Variants in SEZ6 observed in about 807,000 individuals in gnomAD.
SEZ6 encodes seizure related 6 homolog, also known as seizure protein 6 homolog.
SEZ6 carries 53 observed loss-of-function variants against 101.0 expected under a neutral mutation model. That is an observed-to-expected ratio of 0.52 (90% CI 0.42 to 0.66). The LOEUF is 0.66. SEZ6 is among the 30% of genes least tolerant of loss of function. The probability of loss-of-function intolerance (pLI) is 0.00; values close to 1 mark genes in which losing one functional copy is unlikely to be tolerated. For synonymous variants in SEZ6, 488 were observed against 512.2 expected, an observed-to-expected ratio of 0.95 and a Z score of 0.64; for missense variants, 1,102 against 1,289.4, an observed-to-expected ratio of 0.85 and a Z score of 2.23.
At position 28,960,503 on chromosome 17, in the gene SEZ6, A is replaced by C. The variant is rs1339926114; in HGVS notation, c.1576+2T>G. ...CCCCCAGTGAGGCCCCAGCAGGCTC[A>C]CCCTCATAGCGCAGGGCCATGCCTG... On this transcript the variant is annotated splice_donor_variant, in intron 7 of 16. Coordinates refer to ENST00000317338, the MANE Select transcript of SEZ6 (RefSeq NM_178860.5). LOFTEE classifies it high-confidence loss of function. The C allele has an allele frequency of 6.3e-7, 1 of 1,587,558 alleles. No homozygotes were observed. Among genetic ancestry groups the C allele is most frequent in the South Asian group, 1.2e-5 (1 of 86,810 alleles).
chr17:28,986,400 C>T (rs1416968762), intron 1 of SEZ6, among the ~76,000 whole-genome samples: 1 of 152,226 alleles, frequency 6.6e-6, no homozygotes. Flanking sequence ...TGCGCCCCAG[C>T]CCCACCAGAT....
In SEZ6 at chr17:28,960,569, G is replaced by A. The variant is rs2040961870; in HGVS notation, c.1512C>T (p.His504=). ...TGTCAGTACTGAGCTCAACAAAGAA[G>A]TGTTTGCCAGAGCTGAGCAGGCCCT... ...PIEGLLSSGK[H]FFVELSTDSS... The change falls in exon 7 of 17, where the codon CAC becomes CAT. Residue 504 remains histidine, a synonymous_variant. Transcript: ENST00000317338. 2 of 1,593,982 alleles carry A rather than the reference G, an allele frequency of 1.3e-6. No homozygotes were observed. Among genetic ancestry groups the A allele is most frequent in the African/African-American group, 1.3e-5 (1 of 74,576 alleles).
chr17:29,003,426 T>C (rs1412651309), intron 1 of SEZ6, among the ~76,000 whole-genome samples: 1 of 152,226 alleles, frequency 6.6e-6, no homozygotes, highest in Non-Finnish European at 1.5e-5. Flanking sequence ...ATACCAGGCC[T>C]TCCAAGGCAT....
intron 13 of SEZ6, 39 bp from the exon 14 acceptor site, chr17:28,956,796 C>G (rs1179014209): frequency 1.7e-5 from 27 of 1,553,482 alleles, no homozygotes; most frequent in Non-Finnish European, 2.3e-5. Context: ...GTGAGTGAGC[C>G]CAATGGGCCA....
chr17:28,981,982 G>C lies in SEZ6; in HGVS notation c.113C>G (p.Thr38Arg). The C allele has an allele frequency of 6.2e-7, 1 of 1,612,762 alleles. No individual in the cohort carries two copies. The highest frequency in any genetic ancestry group is 8.5e-7 in the Non-Finnish European group (1 of 1,179,476). The change falls in exon 2 of 17, where the codon ACA becomes AGA. Residue 38 changes from threonine to arginine, a missense_variant. By Grantham distance (71) the Thr-to-Arg change is moderately conservative. Coordinates refer to ENST00000317338, the MANE Select transcript of SEZ6 (RefSeq NM_178860.5). The stretch of plus-strand genomic sequence containing the variant: ...GGGGGCTGCTGTCAGCTCGCCATCT[G>C]TCTCCTCGATGCCTGGGGCTTGTCC... ...GKGQAPGIEE[T>R]DGELTAAPTP... is the part of the protein sequence containing the mutation.
chr17:28,984,740 C>G (rs574016194), intron 1 of SEZ6, among the ~76,000 whole-genome samples: 1 of 152,328 alleles, frequency 6.6e-6, no homozygotes, highest in Admixed American at 6.5e-5. Context: ...GGGGAGAGGG[C>G]ATCTCCAGAC....
At chr17:28,995,032 C>T (rs1196984578) in intron 1 of SEZ6, among the ~76,000 whole-genome samples, 1 of 151,796 alleles carries the variant, frequency 6.6e-6, no homozygotes, top group African/African-American at 2.4e-5. Flanking sequence ...ACCACCATGC[C>T]TGGCTAATTT....
At chr17:28,980,580 A>C (rs576892473) in intron 2 of SEZ6, among the ~76,000 whole-genome samples, 1 of 151,536 alleles carries the variant, frequency 6.6e-6, no homozygotes, top group African/African-American at 2.4e-5. Flanking sequence ...CCGTGTTAGC[A>C]AGGGTGGTCT....
At position 28,958,132 on chromosome 17, in the gene SEZ6, C is replaced by T. The variant is rs758292539; in HGVS notation, c.2117G>A (p.Arg706His). The T allele has an allele frequency of 7.5e-6, 12 of 1,592,246 alleles. No individual in the cohort carries two copies. Among genetic ancestry groups the T allele is most frequent in the Non-Finnish European group, 7.7e-6 (9 of 1,162,978 alleles). Residue 706 changes from arginine to histidine, a missense_variant, in exon 11 of 17, where the codon CGC becomes CAC. By Grantham distance (29) the Arg-to-His change is conservative (BLOSUM62 0). Coordinates refer to ENST00000317338, the MANE Select transcript of SEZ6 (RefSeq NM_178860.5). ...GFVIHFFEVP[R>H]NDTCPELPEI... is the part of the protein sequence containing the mutation. ...AGGCAGCTCCGGACATGTGTCATTG[C>T]GGGGCACCTCTGGGGGCACAGAGGC...
Position 28,960,831 on chromosome 17 carries a change from C to T in SEZ6, c.1383G>A (p.Lys461=). 2 of 1,613,936 alleles carry T rather than the reference C, an allele frequency of 1.2e-6. No individual in the cohort carries two copies. Among genetic ancestry groups the T allele is most frequent in the South Asian group, 1.1e-5 (1 of 91,084 alleles). ...EGQRLHLHFE[K]VSLAEDDDRL... is the part of the protein sequence containing the mutation. The stretch of plus-strand genomic sequence containing the variant: ...TGTCATCATCCTCTGCCAGGGAAAC[C>T]TTCTCAAAGTGCAGGTGTAGCCGCT... The change falls in exon 6 of 17, where the codon AAG becomes AAA. Residue 461 remains lysine, a synonymous_variant. Transcript: ENST00000317338.
At chr17:28,973,309 A>G (rs538121061) in intron 3 of SEZ6, among the ~76,000 whole-genome samples, 2 of 152,350 alleles carry the variant, frequency 1.3e-5, no homozygotes, top group African/African-American at 4.8e-5. Context: ...TAGAAATAAC[A>G]TCTAGACATC....
intron 3 of SEZ6, among the ~76,000 whole-genome samples, chr17:28,972,195 C>T (rs896812467): frequency 1.2e-4 from 18 of 152,254 alleles, no homozygotes; most frequent in Non-Finnish European, 2.2e-4. Context: ...TCAGACTCTC[C>T]CCACTGGCCC....
At chr17:28,960,473 C>T (rs1191439080) in intron 7 of SEZ6, 32 bp downstream of exon 7, 15 of 1,572,100 alleles carry the variant, frequency 9.5e-6, no homozygotes, top group Admixed American at 1.9e-5. Context: ...CCCGTGGACC[C>T]GCCACCCCCA....
Position 28,981,460 on chromosome 17 carries a change from A to T in SEZ6, c.635T>A (p.Ile212Asn). 6.4e-7 allele frequency: 1 copy of T among 1,569,388 alleles called. No homozygotes were observed. ...QGAGIGIQGTITSSTASGDDE... is the reference protein window; with the variant it reads ...QGAGIGIQGTNTSSTASGDDE... ...ATCTCCTGAAGCTGTGGAGGAGGTGATGGTCCCCTGGATCCCGATCCCTGC... is the reference window on the plus strand; with the variant it reads ...ATCTCCTGAAGCTGTGGAGGAGGTGTTGGTCCCCTGGATCCCGATCCCTGC... Residue 212 changes from isoleucine (I) to asparagine (N), a missense_variant, in exon 2 of 17, where the codon ATC becomes AAC. Ile to Asn is a moderately radical substitution (Grantham distance 149). Transcript: ENST00000317338.
At chr17:28,987,624 G>A (rs2041401610) in intron 1 of SEZ6, among the ~76,000 whole-genome samples, 1 of 152,166 alleles carries the variant, frequency 6.6e-6, no homozygotes, top group African/African-American at 2.4e-5. Context: ...AGCTATGGCT[G>A]AGCCAGAATG....
chr17:28,964,013 A>AG lies in SEZ6; in HGVS notation c.1188dup (p.Cys397LeufsTer52). On this transcript the variant is annotated frameshift_variant, in exon 5 of 17. Coordinates refer to ENST00000317338, the MANE Select transcript of SEZ6 (RefSeq NM_178860.5). LOFTEE classifies it high-confidence loss of function. ...CAGAAGGGCTGGGTGGCATTGAGAC[A>AG]GGTGAGATGCCTGGCGCCCTTCAGC... 1 of 1,612,554 alleles carries AG rather than the reference A, an allele frequency of 6.2e-7. No homozygotes were observed.
rs1026865406 is a variant in SEZ6 at position 28,963,624 on chromosome 17, G to T, written c.1240+338C>A. ...TAAATGTCCAGCTAAGAATGATTGC[G>T]CCCTTGCCTCCCAGGTCACTTTATG... On this transcript the variant is annotated intron_variant, in intron 5 of 16. Transcript: ENST00000317338. Among the ~76,000 whole-genome samples the T allele has an allele frequency of 3.3e-5, 5 of 152,212 alleles. No homozygotes were observed. The East Asian group carries it at 9.6e-4, about 29-fold the overall frequency.
At chr17:28,968,066 G>T (rs1293444147) in intron 4 of SEZ6, among the ~76,000 whole-genome samples, 1 of 152,160 alleles carries the variant, frequency 6.6e-6, no homozygotes, top group African/African-American at 2.4e-5. Context: ...CCTTGTGAGG[G>T]CTCATCCTTG....
intron 5 of SEZ6, among the ~76,000 whole-genome samples, chr17:28,961,890 C>T (rs1044480080): frequency 6.6e-5 from 10 of 152,172 alleles, no homozygotes; most frequent in Non-Finnish European, 1.5e-4. Flanking sequence ...CTCAAGGCAG[C>T]AGAATATTGT....
Sources: gnomAD v4.1 joint callset for allele counts (sites outside exome capture counted in the v4.1 genomes callset) on GRCh38, gnomAD v4.1.1 for gene constraint, MANE v1.5 for transcripts, NCBI Gene and HGNC (gene_info 2026-07-23, HGNC 2026-07-21) for gene names.